ZFHX3: variants seen among roughly 807,000 people sequenced by gnomAD.
ZFHX3 encodes zinc finger homeobox 3.
In ZFHX3, 42 loss-of-function variants were observed where a neutral mutation model predicts 279.1. The ratio of observed to expected loss-of-function variants is 0.15; its 90% CI spans 0.12 to 0.19. The LOEUF is 0.19. Among genes scored for constraint, ZFHX3 ranks in the 10% least tolerant of loss-of-function variants. ZFHX3 has a pLI of 1.00. For missense variants in ZFHX3, 4,981 were observed against 4,754.0 expected (o/e 1.05, Z -1.40); for synonymous variants, 2,293 against 1,957.8 (o/e 1.17, Z -4.52).
At chr16:73,859,929 G>A (rs933217073) in intron 1 of ZFHX3, among the ~76,000 whole-genome samples, 5 of 152,122 alleles carry the variant, frequency 3.3e-5, no homozygotes, top group African/African-American at 7.2e-5. Context: ...CATGCAGCAG[G>A]GGCGGCCTGT....
intron 5 of ZFHX3, among the ~76,000 whole-genome samples, chr16:73,249,034 A>G (rs1321656303): frequency 6.6e-6 from 1 of 152,186 alleles, no homozygotes; most frequent in Non-Finnish European, 1.5e-5. Context: ...TTCAGAGACA[A>G]GCTCACAAGT....
intron 8 of ZFHX3, among the ~76,000 whole-genome samples, chr16:72,798,952 A>T (rs1392428701): frequency 6.6e-6 from 1 of 152,214 alleles, no homozygotes; most frequent in Non-Finnish European, 1.5e-5. Context: ...GGAAATACAA[A>T]AAGTTTCAAT....
intron 7 of ZFHX3, among the ~76,000 whole-genome samples, chr16:73,120,647 TACC>T (rs1567393398): frequency 7.7e-6 from 1 of 130,124 alleles, no homozygotes; most frequent in Admixed American, 7.5e-5. Context: ...CTATCCTCTC[TACC>T]TTTTTTTTTT....
chr16:73,649,333 G>A (rs2052649636), intron 2 of ZFHX3, among the ~76,000 whole-genome samples: 2 of 152,076 alleles, frequency 1.3e-5, no homozygotes, highest in Admixed American at 1.3e-4. Context: ...AATCTCTATT[G>A]TTCTCTACTC....
intron 3 of ZFHX3, among the ~76,000 whole-genome samples, chr16:73,406,209 T>A (rs1323501267): frequency 1.3e-5 from 2 of 152,258 alleles, no homozygotes; most frequent in Non-Finnish European, 2.9e-5. Flanking sequence ...AGGAGCTGTT[T>A]CCTTCTGTGC....
chr16:73,093,394 T>G (rs941385155), exon 8 of ZFHX3: 6 of 441,648 alleles, frequency 1.4e-5, no homozygotes, highest in African/African-American at 1.2e-4. Context: ...GTCTGGCAGA[T>G]GCAGAACCAC....
intron 7 of ZFHX3, among the ~76,000 whole-genome samples, chr16:73,106,065 T>C (rs9938769): frequency 0.36 from 54,712 of 151,540 alleles, 10,726 homozygotes; most frequent in Admixed American, 0.48. Context: ...GAAGCCCTCC[T>C]AGACCCCTCC....
rs34127285 is a variant in ZFHX3, at chr16:73,835,458, CTTTTTTTTTTTTTTTTT to C, written c.-1608+56176_-1608+56192del. Among the ~76,000 whole-genome samples, 349 of 49,540 alleles carry C rather than the reference CTTTTTTTTTTTTTTTTT, an allele frequency of 7.0e-3. 4 individuals carry two copies. Among genetic ancestry groups the C allele is most frequent in the African/African-American group, 0.024 (342 of 14,218 alleles). The allele number at this position is 49,540 out of a possible 152,430, so 32.5% of individuals were successfully genotyped here. The stretch of plus-strand genomic sequence containing the variant: ...ACTTTCCTCCACCATCCCTCTTCTG[CTTTTTTTTTTTTTTTTT>C]TTTTTTTTTTTTGAGATGGAGTTTC... On this transcript the variant is annotated intron_variant, in intron 1 of 17. Transcript: ENST00000641206.
At chr16:73,868,609 G>A (rs948745515) in intron 1 of ZFHX3, among the ~76,000 whole-genome samples, 5 of 152,198 alleles carry the variant, frequency 3.3e-5, no homozygotes, top group Admixed American at 6.5e-5. Flanking sequence ...AAAGTTGTAT[G>A]CTGTGCATTT....
At position 72,923,980 on chromosome 16, in the gene ZFHX3, G is replaced by A. The variant is rs141757747; in HGVS notation, c.3216+26489C>T. 8.5e-5 allele frequency among the ~76,000 whole-genome samples: 13 copies of A among 152,280 alleles called. 1 individual carries two copies. In the East Asian group the frequency reaches 9.7e-4, roughly 11 times the overall value. On this transcript the variant is annotated intron_variant, in intron 3 of 9. Coordinates refer to ENST00000268489, the MANE Select transcript of ZFHX3 (RefSeq NM_006885.4). ...CAAAATAATAATTATCACAGATGGC[G>A]AATTCACAAGTGGGTTAGCCGTCGG...
rs1028700864 is a variant in ZFHX3, at chr16:72,913,778, G to T, written c.3217-23816C>A. ...TAAACTTCTCTTTATGCAAACAAAG[G>T]TGGCTAATGGAAATGTCTATCTAGA... On this transcript the variant is annotated intron_variant, in intron 3 of 9. Coordinates refer to ENST00000268489, the MANE Select transcript of ZFHX3 (RefSeq NM_006885.4). Among the ~76,000 whole-genome samples the T allele has an allele frequency of 2.6e-5, 4 of 152,278 alleles. No homozygotes were observed. The South Asian group carries it at 6.2e-4, about 24-fold the overall frequency.
At chr16:73,576,995 T>G (rs987245625) in intron 2 of ZFHX3, among the ~76,000 whole-genome samples, 5 of 152,182 alleles carry the variant, frequency 3.3e-5, no homozygotes, top group Non-Finnish European at 5.9e-5. Flanking sequence ...TAAATTTGCT[T>G]TGGTTTGCAC....
chr16:73,093,162 C>T (rs377099230), intron 8 of ZFHX3: 13 of 519,992 alleles, frequency 2.5e-5, no homozygotes, highest in Non-Finnish European at 4.6e-5. Context: ...CGAGCCCTCA[C>T]CTCCAGCAGA....
At chr16:72,842,903 G>A (rs1391439034) in intron 4 of ZFHX3, among the ~76,000 whole-genome samples, 4 of 152,046 alleles carry the variant, frequency 2.6e-5, no homozygotes, top group Admixed American at 2.6e-4. Context: ...ATATAAGCAA[G>A]AAAAGATAAA....
chr16:72,843,708 G>A (rs565047914), intron 4 of ZFHX3, among the ~76,000 whole-genome samples: 44 of 152,166 alleles, frequency 2.9e-4, no homozygotes, highest in African/African-American at 8.9e-4. Context: ...CTGGCTCTGC[G>A]GGAATCTTCC....
At chr16:72,804,595 A>G (rs2036206699) in intron 7 of ZFHX3, among the ~76,000 whole-genome samples, 1 of 152,152 alleles carries the variant, frequency 6.6e-6, no homozygotes, top group African/African-American at 2.4e-5. Context: ...ATTATTTTGG[A>G]TTATGTTCTA....
intron 3 of ZFHX3, among the ~76,000 whole-genome samples, chr16:72,902,299 T>C (rs903168628): frequency 1.3e-5 from 2 of 152,150 alleles, no homozygotes; most frequent in African/African-American, 4.8e-5. Context: ...GATCAATCTG[T>C]CAAGATAATG....
chr16:72,968,012 G>GA (rs35138870), intron 1 of ZFHX3, among the ~76,000 whole-genome samples: 40,903 of 143,926 alleles, frequency 0.28, 6,266 homozygotes, highest in Non-Finnish European at 0.35. Context: ...ATTATAGCAG[G>GA]AAAAAAAAAA....
chr16:73,839,360 A>AAAAAAAAAAAAAAAAAAC (rs1961237700), intron 1 of ZFHX3, among the ~76,000 whole-genome samples: 1 of 140,554 alleles, frequency 7.1e-6, no homozygotes, highest in Non-Finnish European at 1.5e-5. Context: ...AAAAAAAAAA[A>AAAAAAAAAAAAAAAAAAC]AAAAAAGTTA....
Sources: allele counts gnomAD v4.1 joint callset (sites outside exome capture counted in the v4.1 genomes callset), GRCh38; gene constraint gnomAD v4.1.1; transcripts MANE v1.5; gene names NCBI Gene and HGNC (gene_info 2026-07-23, HGNC 2026-07-21).